The following HNRNPM variants were observed in gnomAD, a reference collection of about 807,000 sequenced individuals.
HNRNPM encodes heterogeneous nuclear ribonucleoprotein M.
A neutral mutation model predicts 73.1 loss-of-function variants in HNRNPM; 11 were observed. The observed-to-expected ratio is 0.15, with a 90% confidence interval of 0.09 to 0.25. HNRNPM has a LOEUF of 0.25. HNRNPM is among the 10% of genes least tolerant of loss of function. The pLI is 1.00. For synonymous variants in HNRNPM, 407 were observed against 355.2 expected (o/e 1.15, Z -1.64); for missense variants, 789 against 1,067.9 (o/e 0.74, Z 3.64).
chr19:8,469,704 G>A (rs1458663974), intron 9 of HNRNPM, among the ~76,000 whole-genome samples: 2 of 152,212 alleles, frequency 1.3e-5, no homozygotes, highest in Non-Finnish European at 2.9e-5. Flanking sequence ...AATCACTGGC[G>A]CAGGTAAAGC....
At chr19:8,481,429 G>T (rs1246260220) in intron 12 of HNRNPM, 5 of 152,700 alleles carry the variant, frequency 3.3e-5, no homozygotes, top group African/African-American at 7.2e-5. Context: ...TGAGGCAGGG[G>T]AGGAGCATGG....
chr19:8,474,420 T>G (rs1970364702), intron 12 of HNRNPM, among the ~76,000 whole-genome samples, 176 bp downstream of exon 12: 1 of 152,210 alleles, frequency 6.6e-6, no homozygotes, highest in Non-Finnish European at 1.5e-5. Context: ...ATAGTAGACT[T>G]ACTTCACTTG....
chr19:8,488,629 T>C (rs1052027056), intron 15 of HNRNPM, 62 bp from the exon 16 acceptor site: 1 of 1,514,132 alleles, frequency 6.6e-7, no homozygotes. Context: ...TTTTTGACTC[T>C]GTCCACCAAA....
intron 12 of HNRNPM, among the ~76,000 whole-genome samples, chr19:8,477,904 CCTTGGT>C (rs1228210215): frequency 1.3e-5 from 2 of 152,148 alleles, no homozygotes; most frequent in Non-Finnish European, 2.9e-5. Context: ...CAGCATGTGA[CCTTGGT>C]CAAGTTACTA....
chr19:8,469,064 A>T (rs1341024163), intron 9 of HNRNPM, among the ~76,000 whole-genome samples: 1 of 152,144 alleles, frequency 6.6e-6, no homozygotes, highest in Non-Finnish European at 1.5e-5. Flanking sequence ...GATGTAGAGG[A>T]TGTGGTTAGG....
chr19:8,450,439 T>C (rs1444836136), intron 1 of HNRNPM, among the ~76,000 whole-genome samples: 1 of 152,106 alleles, frequency 6.6e-6, no homozygotes, highest in African/African-American at 2.4e-5. Context: ...GAGATGGAGT[T>C]TCACTCTTGT....
At chr19:8,487,658 C>T (rs1034766040) in intron 15 of HNRNPM, 2 of 153,878 alleles carry the variant, frequency 1.3e-5, no homozygotes, top group Non-Finnish European at 2.9e-5. Context: ...CACCTCTGTT[C>T]TTTTTAGCTA....
At position 8,449,313 on chromosome 19, in the gene HNRNPM, T is replaced by A. The variant is rs75749219; in HGVS notation, c.113+4202T>A. Among the ~76,000 whole-genome samples the A allele has an allele frequency of 8.1e-3, 1,240 of 152,302 alleles. 18 individuals carry two copies. The highest frequency in any genetic ancestry group is 0.029 in the African/African-American group (1,207 of 41,562). On this transcript the variant is annotated intron_variant, in intron 1 of 15. Coordinates refer to ENST00000325495, the MANE Select transcript of HNRNPM (RefSeq NM_005968.5). ...TGGGAGGGGGGGTTCTCCAATGGACTTCCCCATTACCATATTTTGCAGTCA... is the reference window on the plus strand; with the variant it reads ...TGGGAGGGGGGGTTCTCCAATGGACATCCCCATTACCATATTTTGCAGTCA...
chr19:8,461,870 T>C (rs1437993287), intron 2 of HNRNPM: 1 of 152,444 alleles, frequency 6.6e-6, no homozygotes, highest in Non-Finnish European at 1.5e-5. Context: ...TAGTGCTGTG[T>C]GCAGGACCAG....
intron 12 of HNRNPM, among the ~76,000 whole-genome samples, chr19:8,478,733 C>G (rs1970685079): frequency 6.6e-6 from 1 of 152,306 alleles, no homozygotes; most frequent in East Asian, 1.9e-4. Flanking sequence ...TAAGGTTGTG[C>G]AGGCTGTGGG....
At chr19:8,461,460 G>A (rs776236485) in intron 2 of HNRNPM, among the ~76,000 whole-genome samples, 3 of 152,166 alleles carry the variant, frequency 2.0e-5, no homozygotes, top group Non-Finnish European at 4.4e-5. Context: ...CCTTTGGAGA[G>A]TCTGGTTAGA....
intron 10 of HNRNPM, among the ~76,000 whole-genome samples, chr19:8,472,143 C>T (rs1970189803): frequency 6.7e-6 from 1 of 148,516 alleles, no homozygotes; most frequent in Non-Finnish European, 1.5e-5. Flanking sequence ...TGCACTTCAG[C>T]CTGGCAACAG....
In HNRNPM at chr19:8,486,062, GC is replaced by G; in HGVS notation, c.1638del (p.Val547Ter). ...ATGGGAGCTGGCCTGGAGCGCATGG[GC>G]CCCGTGATGGATCGCATGGCCACCG... ...AGMGAGLERM[G>X]PVMDRMATGL... On this transcript the variant is annotated frameshift_variant, in exon 14 of 16. Transcript: ENST00000325495. LOFTEE classifies it high-confidence loss of function. 1 of 1,606,456 alleles carries G rather than the reference GC, an allele frequency of 6.2e-7. No homozygotes were observed.
intron 1 of HNRNPM, 68 bp from the exon 2 acceptor site, chr19:8,455,337 A>C: frequency 7.4e-7 from 1 of 1,356,978 alleles, no homozygotes. Context: ...TGGCAAATCA[A>C]ATAATTATCT....
At chr19:8,466,828 CAAAAA>C (rs61362863) in intron 7 of HNRNPM, among the ~76,000 whole-genome samples, 5 of 56,492 alleles carry the variant, frequency 8.9e-5, no homozygotes, top group Admixed American at 3.0e-4. Context: ...GACTCAGTCT[CAAAAA>C]AAAAAAAAAA....
At chr19:8,475,473 A>G (rs1311618395) in intron 12 of HNRNPM, among the ~76,000 whole-genome samples, 2 of 152,238 alleles carry the variant, frequency 1.3e-5, no homozygotes, top group Non-Finnish European at 2.9e-5. Context: ...CTGCCATAAC[A>G]AAGGATGTGA....
chr19:8,473,772 TTTTC>T, intron 11 of HNRNPM, 64 bp downstream of exon 11: 1 of 1,034,750 alleles, frequency 9.7e-7, no homozygotes, highest in Non-Finnish European at 1.5e-6. Flanking sequence ...CTCTTTCCTC[TTTTC>T]TTTCTTGTTT....
chr19:8,474,116 T>A, intron 11 of HNRNPM, 51 bp from the exon 12 acceptor site: 1 of 1,318,022 alleles, frequency 7.6e-7, no homozygotes, highest in Non-Finnish European at 1.0e-6. Flanking sequence ...TTTCCCTGCT[T>A]AGTCTAAGCA....
At position 8,445,038 on chromosome 19, in the gene HNRNPM, A is replaced by G. The variant is rs1968027571; in HGVS notation, c.40A>G (p.Thr14Ala). 5 of 1,427,526 alleles carry G rather than the reference A, an allele frequency of 3.5e-6. No homozygotes were observed. Among genetic ancestry groups the G allele is most frequent in the South Asian group, 3.2e-5 (2 of 62,880 alleles). 88.4% of individuals were successfully genotyped at this position (1,427,526 alleles called of 1,614,324 possible). The change falls in exon 1 of 16, where the codon ACG (threonine) becomes GCG (alanine). Residue 14 changes from threonine to alanine, a missense_variant. By Grantham distance (58) the Thr-to-Ala change is moderately conservative. Around this residue, in one of 4 missense-constraint regions of HNRNPM, gnomAD observed 79 missense variants for 70.7 expected, o/e 1.12. Transcript: ENST00000325495. ...GVEAAAEVAA[T>A]EIKMEEESGA... Reference sequence around the variant, plus strand: ...CGAAGCGGCGGCGGAGGTGGCGGCGACGGAGATCAAAATGGAGGAAGAGAG... The same window carrying G: ...CGAAGCGGCGGCGGAGGTGGCGGCGGCGGAGATCAAAATGGAGGAAGAGAG...
Sources: gnomAD v4.1 joint callset for allele counts (sites outside exome capture counted in the v4.1 genomes callset) on GRCh38, gnomAD v4.1.1 for gene constraint, gnomAD v4.1.1 regional missense constraint, MANE v1.5 for transcripts, NCBI Gene and HGNC (gene_info 2026-07-23, HGNC 2026-07-21) for gene names.